The following TNIK variants were observed in gnomAD, a reference collection of about 807,000 sequenced individuals.
TNIK encodes TRAF2 and NCK interacting kinase, also known as TRAF2 and NCK-interacting protein kinase.
In TNIK, 49 loss-of-function variants were observed where a neutral mutation model predicts 191.3. That is an observed-to-expected ratio of 0.26 (90% CI 0.20 to 0.32). TNIK has a LOEUF of 0.32. Among genes scored for constraint, TNIK ranks in the 10% least tolerant of loss-of-function variants. The probability of loss-of-function intolerance (pLI) is 1.00; values close to 1 mark genes in which losing one functional copy is unlikely to be tolerated. For synonymous variants in TNIK, 594 were observed against 600.9 expected, an observed-to-expected ratio of 0.99 and a Z score of 0.17; for missense variants, 1,155 against 1,702.3, an observed-to-expected ratio of 0.68 and a Z score of 5.66.
chr3:171,214,934 C>T (rs1211611004), intron 3 of TNIK, among the ~76,000 whole-genome samples: 1 of 152,090 alleles, frequency 6.6e-6, no homozygotes, highest in Non-Finnish European at 1.5e-5. Context: ...CTACTTATTG[C>T]TTAGTGTTTG....
At chr3:171,269,425 GAATT>G (rs1227288131) in intron 2 of TNIK, among the ~76,000 whole-genome samples, 1 of 152,206 alleles carries the variant, frequency 6.6e-6, no homozygotes. Flanking sequence ...GCAGCAGCAT[GAATT>G]ATTTATGCCA....
At position 171,439,163 on chromosome 3, in the gene TNIK, T is replaced by C. The variant is rs370273568; in HGVS notation, c.57+20844A>G. Among the ~76,000 whole-genome samples the C allele has an allele frequency of 1.1e-3, 160 of 151,982 alleles. 1 individual carries two copies. Among genetic ancestry groups the C allele is most frequent in the African/African-American group, 3.7e-3 (153 of 41,394 alleles). ...ATCGAAACCATCCTGGCTAACATGGTGAAACCCTGTCTCTACTAAAAATTC... is the reference window on the plus strand; with the variant it reads ...ATCGAAACCATCCTGGCTAACATGGCGAAACCCTGTCTCTACTAAAAATTC... On this transcript the variant is annotated intron_variant, in intron 1 of 32. Transcript: ENST00000436636.
At chr3:171,101,722 A>G (rs2108452986) in intron 21 of TNIK, 89 bp from the exon 22 acceptor site, 1 of 1,349,832 alleles carries the variant, frequency 7.4e-7, no homozygotes, top group South Asian at 1.4e-5. Flanking sequence ...CTTAAGCAAC[A>G]AGAAAAAAAA....
At chr3:171,340,742 T>C (rs771565136) in intron 2 of TNIK, among the ~76,000 whole-genome samples, 1 of 152,194 alleles carries the variant, frequency 6.6e-6, no homozygotes, top group African/African-American at 2.4e-5. Context: ...GTGTACCGAA[T>C]TGATTTCAAA....
chr3:171,199,284 A>T (rs1001456798), intron 4 of TNIK, among the ~76,000 whole-genome samples: 3 of 152,014 alleles, frequency 2.0e-5, no homozygotes, highest in African/African-American at 7.2e-5. Context: ...AATTACCGCC[A>T]CCACACAGCA....
intron 1 of TNIK, among the ~76,000 whole-genome samples, chr3:171,432,655 T>C (rs1348490873): frequency 3.3e-5 from 5 of 152,212 alleles, no homozygotes. Flanking sequence ...AAGTTTATGA[T>C]AAAATCCTTG....
chr3:171,319,021 TA>T (rs887876059), intron 2 of TNIK, among the ~76,000 whole-genome samples: 7 of 151,542 alleles, frequency 4.6e-5, no homozygotes, highest in South Asian at 4.2e-4. Context: ...AATACATAAA[TA>T]AAAAAAATGT....
intron 12 of TNIK, among the ~76,000 whole-genome samples, chr3:171,157,141 G>A (rs891115887): frequency 2.6e-5 from 4 of 152,138 alleles, no homozygotes; most frequent in Admixed American, 6.5e-5. Flanking sequence ...AATAAGGCAG[G>A]GCAGGGAAAT....
intron 2 of TNIK, among the ~76,000 whole-genome samples, chr3:171,295,682 T>C (rs1752211711): frequency 1.3e-5 from 2 of 151,942 alleles, no homozygotes; most frequent in Admixed American, 1.3e-4. Flanking sequence ...AAGAACATTT[T>C]ACACTGTGGC....
intron 2 of TNIK, among the ~76,000 whole-genome samples, chr3:171,282,357 T>TTTTTTTTTTTTTTTTTTTTTTG (rs1750556105): frequency 1.4e-5 from 2 of 141,158 alleles, no homozygotes; most frequent in South Asian, 2.3e-4. Flanking sequence ...TTTTTTTTTT[T>TTTTTTTTTTTTTTTTTTTTTTG]TGAGATGGAG....
At chr3:171,329,203 C>T (rs1427143976) in intron 2 of TNIK, among the ~76,000 whole-genome samples, 9 of 152,064 alleles carry the variant, frequency 5.9e-5, no homozygotes, top group Non-Finnish European at 1.0e-4. Flanking sequence ...TTCCTATACT[C>T]GTTCATAATG....
In TNIK at chr3:171,221,869, G is replaced by A. The variant is rs535445368; in HGVS notation, c.180+6296C>T. 1.1e-4 allele frequency among the ~76,000 whole-genome samples: 17 copies of A among 152,214 alleles called. No individual in the cohort carries two copies. In the East Asian group the frequency reaches 2.3e-3, roughly 21 times the overall value. On this transcript the variant is annotated intron_variant, in intron 3 of 32. Transcript: ENST00000436636. ...GCAATTAACTAACACAAATTGGCAC[G>A]TAGTTCACAGATCAGGCTGTCATCA...
chr3:171,075,749 T>C (rs1472862807), intron 28 of TNIK, among the ~76,000 whole-genome samples: 2 of 152,068 alleles, frequency 1.3e-5, no homozygotes, highest in South Asian at 2.1e-4. Flanking sequence ...TTTTTTTTTT[T>C]TCTTTGAGAT....
intron 1 of TNIK, among the ~76,000 whole-genome samples, chr3:171,434,467 AT>A (rs749716318): frequency 9.7e-6 from 1 of 103,012 alleles, no homozygotes; most frequent in South Asian, 2.8e-4. Context: ...TTATTTATTT[AT>A]TTTTTTTGAG....
At chr3:171,116,404 A>G (rs1726702669) in intron 18 of TNIK, among the ~76,000 whole-genome samples, 2 of 152,254 alleles carry the variant, frequency 1.3e-5, no homozygotes. Flanking sequence ...GACATTTGCC[A>G]TCCTGCAGAT....
At chr3:171,144,801 CTCTT>C (rs1448461818) in intron 12 of TNIK, among the ~76,000 whole-genome samples, 2 of 152,290 alleles carry the variant, frequency 1.3e-5, no homozygotes, top group East Asian at 1.9e-4. Flanking sequence ...CACTGTTCTA[CTCTT>C]TCTTTCTATG....
intron 2 of TNIK, among the ~76,000 whole-genome samples, chr3:171,319,290 A>G (rs1262560807): frequency 1.3e-5 from 2 of 152,312 alleles, no homozygotes; most frequent in African/African-American, 4.8e-5. Flanking sequence ...AGAATGGGCA[A>G]CTTTCCATAG....
chr3:171,304,002 G>A (rs1417149164), intron 2 of TNIK, among the ~76,000 whole-genome samples: 1 of 151,296 alleles, frequency 6.6e-6, no homozygotes, highest in Non-Finnish European at 1.5e-5. Flanking sequence ...CACTGAAGAA[G>A]GCCCGGGGGA....
At chr3:171,435,306 A>G (rs1560071069) in intron 1 of TNIK, among the ~76,000 whole-genome samples, 2 of 152,224 alleles carry the variant, frequency 1.3e-5, no homozygotes, top group Admixed American at 6.5e-5. Flanking sequence ...TGGAATCCCA[A>G]TGACTGGCTT....
Sources: gnomAD v4.1 joint callset for allele counts (sites outside exome capture counted in the v4.1 genomes callset) on GRCh38, gnomAD v4.1.1 for gene constraint, MANE v1.5 for transcripts, NCBI Gene and HGNC (gene_info 2026-07-23, HGNC 2026-07-21) for gene names.